Variants in TCP11L2 observed in about 807,000 individuals in gnomAD.
The protein encoded by TCP11L2 is t-complex 11 like 2, also known as T-complex protein 11-like protein 2.
In TCP11L2, 39 loss-of-function variants were observed where a neutral mutation model predicts 50.7. The ratio of observed to expected loss-of-function variants is 0.77; its 90% confidence interval spans 0.60 to 1.01. The LOEUF is 1.01. Ranked by LOEUF, TCP11L2 falls within the 50% of genes least tolerant of loss-of-function variation. TCP11L2 has a pLI of 0.00. For missense variants in TCP11L2, 612 were observed against 614.7 expected (o/e 1.00, Z 0.05); for synonymous variants, 192 against 219.3 (o/e 0.88, Z 1.10).
chr12:106,314,560 TGTGTGTGTGTGTGTGTGAGA>T (rs1407016635), intron 3 of TCP11L2, 67 bp downstream of exon 3: 37 of 945,068 alleles, frequency 3.9e-5, no homozygotes, highest in Middle Eastern at 5.2e-4. Context: ...TGTGTGTGTG[TGTGTGTGTGTGTGTGTGAGA>T]GAGAGAGAGA....
At chr12:106,339,380 C>A (rs984758701) in intron 8 of TCP11L2, among the ~76,000 whole-genome samples, 1 of 152,024 alleles carries the variant, frequency 6.6e-6, no homozygotes, top group Non-Finnish European at 1.5e-5. Flanking sequence ...AGATATTAGA[C>A]CTTTGTTGAA....
Position 106,319,706 on chromosome 12 carries a change from A to G in TCP11L2, c.414+1242A>G, listed in dbSNP as rs1274114101. Among the ~76,000 whole-genome samples the G allele has an allele frequency of 3.1e-4, 47 of 152,236 alleles. 1 individual carries two copies. Among genetic ancestry groups the G allele is most frequent in the Non-Finnish European group, 4.4e-5 (3 of 68,046 alleles). On this transcript the variant is annotated intron_variant, in intron 4 of 9. Coordinates refer to ENST00000299045, the MANE Select transcript of TCP11L2 (RefSeq NM_152772.3). ...ATTTCTTCTTATCAGAACACTGTAC[A>G]GTAGTTGCTCCTGTTATTCTTATTT...
At chr12:106,334,578 A>C (rs1454054872) in intron 6 of TCP11L2, among the ~76,000 whole-genome samples, 1 of 152,038 alleles carries the variant, frequency 6.6e-6, no homozygotes, top group Non-Finnish European at 1.5e-5. Context: ...CTCTCCCTCC[A>C]CTAATTCAGT....
chr12:106,313,764 ATT>A (rs34867730), intron 2 of TCP11L2, among the ~76,000 whole-genome samples: 111 of 113,860 alleles, frequency 9.7e-4, no homozygotes, highest in African/African-American at 2.7e-3. Flanking sequence ...AGGTAATTTA[ATT>A]TTTTTTTTTT....
chr12:106,331,494 A>G (rs2035745072), intron 6 of TCP11L2, among the ~76,000 whole-genome samples: 1 of 152,212 alleles, frequency 6.6e-6, no homozygotes, highest in Non-Finnish European at 1.5e-5. Context: ...TGGGCCCTCT[A>G]GAGACAATAA....
At chr12:106,312,435 G>C in intron 2 of TCP11L2, 1 of 1,205,556 alleles carries the variant, frequency 8.3e-7, no homozygotes, top group Non-Finnish European at 1.0e-6. Context: ...GCCACCCCAG[G>C]TTTCTGTGCC....
At chr12:106,330,699 T>G (rs1186562002) in intron 6 of TCP11L2, among the ~76,000 whole-genome samples, 1 of 152,188 alleles carries the variant, frequency 6.6e-6, no homozygotes, top group East Asian at 1.9e-4. Flanking sequence ...TTGTTTTGTG[T>G]TTGGAATCAG....
chr12:106,329,413 G>T lies in TCP11L2; in HGVS notation c.772+5767G>T, dbSNP rs763581281. ...GCAGTCACCGTGCCAGCCTGTGAGA[G>T]TGAAGTCTCTGCCGATCCCTAAGAG... On this transcript the variant is annotated intron_variant, in intron 6 of 9. Transcript: ENST00000299045. 2.0e-6 allele frequency: 3 copies of T among 1,535,738 alleles called. No homozygotes were observed. The African/African-American group carries it at 4.1e-5, about 21-fold the overall frequency.
intron 6 of TCP11L2, among the ~76,000 whole-genome samples, chr12:106,334,692 C>A (rs1449057748): frequency 6.6e-6 from 1 of 152,040 alleles, no homozygotes; most frequent in Non-Finnish European, 1.5e-5. Context: ...CCTGTAATCC[C>A]AACACTTTTG....
In TCP11L2 at chr12:106,336,031, G is replaced by A; in HGVS notation, c.961-1G>A. ...TTTTATATTTTAAATAAATATGTTAGACACTTATGACAGATGGAGCACGTC... is the reference window on the plus strand; with the variant it reads ...TTTTATATTTTAAATAAATATGTTAAACACTTATGACAGATGGAGCACGTC... On this transcript the variant is annotated splice_acceptor_variant, in intron 7 of 9. Transcript: ENST00000299045. LOFTEE classifies it high-confidence loss of function. The A allele has an allele frequency of 6.3e-7, 1 of 1,594,786 alleles. No individual in the cohort carries two copies. Among genetic ancestry groups the A allele is most frequent in the Non-Finnish European group, 8.5e-7 (1 of 1,173,900 alleles).
At chr12:106,331,292 C>T (rs1401988879) in intron 6 of TCP11L2, among the ~76,000 whole-genome samples, 1 of 151,980 alleles carries the variant, frequency 6.6e-6, no homozygotes. Flanking sequence ...ATTCTGCTCC[C>T]TCAAGCTAGC....
intron 6 of TCP11L2, chr12:106,324,307 C>T (rs1013355076): frequency 4.6e-5 from 7 of 152,194 alleles, no homozygotes; most frequent in African/African-American, 9.7e-5. Flanking sequence ...GCCTGAGGGA[C>T]TGCAGGTACA....
chr12:106,319,201 G>A lies in TCP11L2; in HGVS notation c.414+737G>A, dbSNP rs566360452. Among the ~76,000 whole-genome samples, 135 of 152,298 alleles carry A rather than the reference G, an allele frequency of 8.9e-4. 1 individual carries two copies. Among genetic ancestry groups the A allele is most frequent in the South Asian group, 1.4e-3 (7 of 4,834 alleles). On this transcript the variant is annotated intron_variant, in intron 4 of 9. Transcript: ENST00000299045. ...GCTGGGATTACAGGCGTGAGCCACC[G>A]CGCCCAGCCTAGGGTCTCTTTTATA...
Position 106,345,957 on chromosome 12 carries a change from A to G in TCP11L2, c.1316-329A>G, listed in dbSNP as rs571804824. 5.3e-5 allele frequency among the ~76,000 whole-genome samples: 8 copies of G among 152,264 alleles called. No individual in the cohort carries two copies. In the East Asian group the frequency reaches 5.8e-4, roughly 11 times the overall value. On this transcript the variant is annotated intron_variant, in intron 9 of 9. Transcript: ENST00000299045. Reference sequence around the variant, plus strand: ...CTCATCCTCCAGCAAGCCCAGGCCTATTCTCATGGCGGTAGTAGGTAGACG... The same window carrying G: ...CTCATCCTCCAGCAAGCCCAGGCCTGTTCTCATGGCGGTAGTAGGTAGACG...
upstream of TCP11L2, among the ~76,000 whole-genome samples, chr12:106,299,780 A>C (rs2034382819): frequency 6.6e-6 from 1 of 152,230 alleles, no homozygotes; most frequent in African/African-American, 2.4e-5. Context: ...GTATAGCTAA[A>C]TTTGCATTAC....
chr12:106,300,700 G>A, upstream of TCP11L2, among the ~76,000 whole-genome samples: 1 of 152,196 alleles, frequency 6.6e-6, no homozygotes, highest in East Asian at 1.9e-4. Flanking sequence ...TTTTCAGATA[G>A]CAAGTTATTT....
rs758758933 is a variant in TCP11L2 at position 106,346,521 on chromosome 12, TACTA to T, written c.1557_1560del (p.Asn519LysfsTer57). 6 of 1,611,974 alleles carry T rather than the reference TACTA, an allele frequency of 3.7e-6. No homozygotes were observed. In the South Asian group the frequency reaches 5.5e-5, roughly 15 times the overall value. ...TGGGGAAGGTAGATGCTTCACCTCC[TACTA>T]ACTAAAGAAGAACTGACATTGGACG... On this transcript the variant is annotated frameshift_variant, in exon 10 of 10. Transcript: ENST00000299045. LOFTEE classifies it high-confidence loss of function.
intron 3 of TCP11L2, among the ~76,000 whole-genome samples, chr12:106,315,905 C>G (rs2035062900): frequency 1.3e-5 from 2 of 152,204 alleles, no homozygotes; most frequent in East Asian, 3.8e-4. Context: ...CTGAGGCATT[C>G]TATCAGTTAA....
rs148369015 is a variant in TCP11L2 at position 106,331,554 on chromosome 12, G to T, written c.773-4085G>T. On this transcript the variant is annotated intron_variant, in intron 6 of 9. Transcript: ENST00000299045. The stretch of plus-strand genomic sequence containing the variant: ...AGAGTTTACAGTTGCTAACACTTAG[G>T]GGACATTTCCTTTGTGCCAGAAACG... Among the ~76,000 whole-genome samples, 1,425 of 152,266 alleles carry T rather than the reference G, an allele frequency of 9.4e-3. 9 individuals are homozygous for T. Among genetic ancestry groups the T allele is most frequent in the Middle Eastern group, 0.024 (7 of 294 alleles).
Sources: gnomAD v4.1 joint callset for allele counts (sites outside exome capture counted in the v4.1 genomes callset) on GRCh38, gnomAD v4.1.1 for gene constraint, MANE v1.5 for transcripts, NCBI Gene and HGNC (gene_info 2026-07-23, HGNC 2026-07-21) for gene names.